PDZD2: variants seen among roughly 807,000 people sequenced by gnomAD.
The protein encoded by PDZD2 is PDZ domain-containing protein 2.
A neutral mutation model predicts 220.7 loss-of-function variants in PDZD2; 90 were observed. The observed-to-expected ratio is 0.41, with a 90% CI of 0.34 to 0.49. PDZD2 has a LOEUF of 0.49. Ranked by LOEUF, PDZD2 falls within the 20% of genes least tolerant of loss-of-function variation. PDZD2 has a pLI of 0.28. For synonymous variants in PDZD2, 1,375 were observed against 1,450.5 expected, an observed-to-expected ratio of 0.95 and a Z score of 1.18; for missense variants, 3,174 against 3,608.5, an observed-to-expected ratio of 0.88 and a Z score of 3.08.
chr5:31,818,935 T>A (rs1169998595), intron 2 of PDZD2, among the ~76,000 whole-genome samples: 1 of 152,202 alleles, frequency 6.6e-6, no homozygotes, highest in Non-Finnish European at 1.5e-5. Flanking sequence ...ATATATATAT[T>A]TTCAGACTGC....
At chr5:31,975,777 C>T (rs1335359575) in intron 2 of PDZD2, among the ~76,000 whole-genome samples, 2 of 144,416 alleles carry the variant, frequency 1.4e-5, no homozygotes. Flanking sequence ...TATGAGCACA[C>T]TGAAGGTATC....
intron 6 of PDZD2, among the ~76,000 whole-genome samples, chr5:32,026,547 G>A (rs960814284): frequency 1.3e-5 from 2 of 151,958 alleles, no homozygotes; most frequent in Non-Finnish European, 2.9e-5. Context: ...ATGCGTGCAC[G>A]TGCACGCACG....
intron 2 of PDZD2, among the ~76,000 whole-genome samples, chr5:31,869,429 G>A (rs771835538): frequency 4.6e-5 from 7 of 152,100 alleles, no homozygotes; most frequent in East Asian, 1.9e-4. Flanking sequence ...CGGGCGTGGT[G>A]GCGGGCGCCT....
At chr5:31,671,529 C>T (rs1479241136) in intron 1 of PDZD2, among the ~76,000 whole-genome samples, 1 of 152,148 alleles carries the variant, frequency 6.6e-6, no homozygotes, top group Non-Finnish European at 1.5e-5. Context: ...AGCCATTGTC[C>T]TTGAAGTTGT....
At chr5:31,736,338 G>A (rs1485925940) in intron 1 of PDZD2, among the ~76,000 whole-genome samples, 5 of 152,300 alleles carry the variant, frequency 3.3e-5, no homozygotes, top group Admixed American at 6.5e-5. Context: ...TACAGGCTCG[G>A]CTGTGAAAGC....
chr5:31,716,609 C>T (rs910982895), intron 1 of PDZD2, among the ~76,000 whole-genome samples: 1 of 152,126 alleles, frequency 6.6e-6, no homozygotes. Flanking sequence ...TCGAGACTAG[C>T]CTGGCCAACA....
intron 2 of PDZD2, among the ~76,000 whole-genome samples, chr5:31,970,690 A>AT (rs1394042334): frequency 6.6e-6 from 1 of 152,048 alleles, no homozygotes; most frequent in Non-Finnish European, 1.5e-5. Flanking sequence ...GAGTGACAAT[A>AT]TTCAGGAACA....
intron 15 of PDZD2, among the ~76,000 whole-genome samples, chr5:32,070,864 G>A (rs868301542): frequency 2.1e-5 from 3 of 144,216 alleles, no homozygotes; most frequent in Admixed American, 1.4e-4. Context: ...ATGTGGTGGC[G>A]CATGCCTGTA....
At chr5:31,702,678 G>C (rs755819841) in intron 1 of PDZD2, among the ~76,000 whole-genome samples, 5 of 152,230 alleles carry the variant, frequency 3.3e-5, no homozygotes, top group Admixed American at 1.3e-4. Flanking sequence ...CGGAGAGATA[G>C]GCCAAGATTA....
intron 20 of PDZD2, 134 bp downstream of exon 20, chr5:32,091,309 G>C: frequency 1.6e-6 from 1 of 626,884 alleles, no homozygotes; most frequent in Non-Finnish European, 2.5e-6. Flanking sequence ...TTTTGAGATG[G>C]AGCATCGCTC....
Position 32,098,777 on chromosome 5 carries a change from T to C in PDZD2, c.8218+143T>C. 1 of 757,258 alleles carries C rather than the reference T, an allele frequency of 1.3e-6. No individual in the cohort carries two copies. The highest frequency in any genetic ancestry group is 2.1e-6 in the Non-Finnish European group (1 of 481,354). The allele number at this position is 757,258 out of a possible 1,614,324, so 46.9% of individuals were successfully genotyped here. A position where few individuals can be genotyped will look rare whatever the true frequency, so the allele number is the denominator to read the frequency against. On this transcript the variant is annotated intron_variant, in intron 23 of 24. Coordinates refer to ENST00000438447, the MANE Select transcript of PDZD2 (RefSeq NM_178140.4). The surrounding 1 kb of genome is among the most constrained non-coding windows in gnomAD (Gnocchi z 4.1). ...AGCGAAGTCTAGTGTGTTTGGATGC[T>C]GCTTACAAAAGCAGTGTTACAAATA... is the stretch of plus-strand genomic sequence containing the variant.
intron 1 of PDZD2, among the ~76,000 whole-genome samples, chr5:31,743,028 A>G (rs997616030): frequency 6.6e-6 from 1 of 152,238 alleles, no homozygotes. Context: ...TAGCCAGTCC[A>G]TCTTCACCTT....
At chr5:31,913,583 C>T (rs1171155645) in intron 2 of PDZD2, among the ~76,000 whole-genome samples, 1 of 152,146 alleles carries the variant, frequency 6.6e-6, no homozygotes, top group East Asian at 1.9e-4. Flanking sequence ...TTCTAGAAGC[C>T]ATGAACCTAC....
chr5:31,903,590 G>GCC (rs1473575493), intron 2 of PDZD2, among the ~76,000 whole-genome samples: 2 of 137,180 alleles, frequency 1.5e-5, no homozygotes, highest in African/African-American at 5.5e-5. Context: ...GATGCAGTGA[G>GCC]CCAAGATCAC....
intron 2 of PDZD2, among the ~76,000 whole-genome samples, chr5:31,857,303 T>C (rs1031772283): frequency 6.6e-6 from 1 of 152,220 alleles, no homozygotes; most frequent in African/African-American, 2.4e-5. Flanking sequence ...ACATCCATCA[T>C]TGTGGGGTCT....
At position 32,029,849 on chromosome 5, in the gene PDZD2, A is replaced by G. The variant is rs527940326; in HGVS notation, c.1408-7382A>G. ...TACCTCCCAATAGGGCAGACCAGAG[A>G]GACTCAGTAATATCAAGAAAAGGCA... On this transcript the variant is annotated intron_variant, in intron 6 of 24. Coordinates refer to ENST00000438447, the MANE Select transcript of PDZD2 (RefSeq NM_178140.4). 4.6e-5 allele frequency among the ~76,000 whole-genome samples: 7 copies of G among 152,366 alleles called. No individual in the cohort carries two copies. The East Asian group carries it at 1.4e-3, about 29-fold the overall frequency.
chr5:31,893,430 G>A (rs115229681), intron 2 of PDZD2, among the ~76,000 whole-genome samples: 13,629 of 152,154 alleles, frequency 0.09, 834 homozygotes, highest in African/African-American at 0.17. Context: ...TTAGCCACAC[G>A]TGGTGGTCCA....
intron 1 of PDZD2, among the ~76,000 whole-genome samples, chr5:31,787,105 C>T (rs1048144140): frequency 6.6e-6 from 1 of 152,178 alleles, no homozygotes; most frequent in African/African-American, 2.4e-5. Flanking sequence ...ACCACATGGA[C>T]AGGATGATCA....
chr5:31,710,029 C>T (rs149191343), intron 1 of PDZD2, among the ~76,000 whole-genome samples: 166 of 152,324 alleles, frequency 1.1e-3, no homozygotes, highest in African/African-American at 3.7e-3. Flanking sequence ...AGAGTGTGCA[C>T]AGGGGAGCGG....
Sources: gnomAD v4.1 joint callset for allele counts (sites outside exome capture counted in the v4.1 genomes callset) on GRCh38, gnomAD v4.1.1 for gene constraint, Gnocchi (gnomAD v3.1) non-coding constraint, MANE v1.5 for transcripts, NCBI Gene and HGNC (gene_info 2026-07-23, HGNC 2026-07-21) for gene names.